Variants in CD96 observed in about 807,000 individuals in gnomAD.
CD96 encodes T-cell surface protein tactile.
CD96 carries 70 observed loss-of-function variants against 71.3 expected under a neutral mutation model. That is an observed-to-expected ratio of 0.98 (90% confidence interval 0.81 to 1.20). The LOEUF (loss-of-function observed/expected upper bound fraction) is 1.20, where lower values mean the gene tolerates loss of function less well. Among genes scored for constraint, CD96 ranks in the 50% most tolerant of loss-of-function variants. The pLI is 0.00. For synonymous variants in CD96, 248 were observed against 233.0 expected (o/e 1.06, Z -0.59); for missense variants, 742 against 677.5 (o/e 1.10, Z -1.06).
At chr3:111,574,723 CCTT>C (rs1415032867) in intron 3 of CD96, among the ~76,000 whole-genome samples, 3 of 151,708 alleles carry the variant, frequency 2.0e-5, no homozygotes, top group East Asian at 3.9e-4. Flanking sequence ...TTGTTCTTCT[CCTT>C]AAGTATATTT....
At chr3:111,620,943 G>A (rs1938493599) in intron 8 of CD96, among the ~76,000 whole-genome samples, 1 of 152,136 alleles carries the variant, frequency 6.6e-6, no homozygotes, top group Admixed American at 6.5e-5. Flanking sequence ...ATTATTTTCT[G>A]ACCTCCAGAA....
At chr3:111,590,313 C>G (rs777314732) in intron 5 of CD96, among the ~76,000 whole-genome samples, 1 of 152,214 alleles carries the variant, frequency 6.6e-6, no homozygotes, top group Non-Finnish European at 1.5e-5. Flanking sequence ...CATCCAGCAA[C>G]CACAGGTTTT....
chr3:111,560,346 C>A (rs956428494), intron 2 of CD96, among the ~76,000 whole-genome samples: 1 of 151,822 alleles, frequency 6.6e-6, no homozygotes, highest in African/African-American at 2.4e-5. Context: ...GCAGCTGGTA[C>A]CAGTTGTTCC....
chr3:111,542,691 C>T (rs1014441461), intron 1 of CD96, among the ~76,000 whole-genome samples: 1 of 152,172 alleles, frequency 6.6e-6, no homozygotes, highest in African/African-American at 2.4e-5. Context: ...GCTCAGAGAT[C>T]CTTGTTTAAC....
intron 5 of CD96, chr3:111,595,168 T>C (rs1937196614): frequency 6.2e-6 from 1 of 160,724 alleles, no homozygotes; most frequent in African/African-American, 2.4e-5. Flanking sequence ...GAAAATCATA[T>C]TACATTTAAA....
chr3:111,629,462 C>T (rs968461690), intron 10 of CD96, among the ~76,000 whole-genome samples: 3 of 152,020 alleles, frequency 2.0e-5, no homozygotes, highest in African/African-American at 7.2e-5. Flanking sequence ...AACAAGAAGA[C>T]CTAATTGTCC....
At position 111,650,092 on chromosome 3, in the gene CD96, A is replaced by T. The variant is rs1940011240; in HGVS notation, c.*286A>T. ...ATTAGTCTGCCATCTTTAAAAAAAA[A>T]TACAGTATTTTCATTTAAATTCTCT... On this transcript the variant is annotated 3_prime_UTR_variant, in exon 14 of 14. Transcript: ENST00000352690. 2 of 406,232 alleles carry T rather than the reference A, an allele frequency of 4.9e-6. No homozygotes were observed. Among genetic ancestry groups the T allele is most frequent in the Non-Finnish European group, 9.3e-6 (2 of 215,078 alleles). The allele number at this position is 406,232 out of a possible 1,614,324, so 25.2% of individuals were successfully genotyped here.
Position 111,649,772 on chromosome 3 carries a change from G to A in CD96, c.1676G>A (p.Ser559Asn). The change falls in exon 14 of 14, where the codon AGT (serine) becomes AAT (asparagine). Residue 559 changes from serine to asparagine, a missense_variant. By Grantham distance (46) the Ser-to-Asn change is conservative. Coordinates refer to ENST00000352690, the MANE Select transcript of CD96 (RefSeq NM_005816.5). The stretch of plus-strand genomic sequence containing the variant: ...ACTTGCATTCAAGAGCCCAACGAAA[G>A]TGATCTGCCTTATCATGAGATGGAG... ...KYTCIQEPNE[S>N]DLPYHEMETL The A allele has an allele frequency of 6.2e-7, 1 of 1,613,480 alleles. No homozygotes were observed. The highest frequency in any genetic ancestry group is 8.5e-7 in the Non-Finnish European group (1 of 1,179,370).
chr3:111,615,134 C>G (rs1471703103), intron 8 of CD96, among the ~76,000 whole-genome samples: 1 of 152,160 alleles, frequency 6.6e-6, no homozygotes, highest in Admixed American at 6.5e-5. Context: ...AATGAAGGTA[C>G]AAGTATTCCA....
intron 5 of CD96, among the ~76,000 whole-genome samples, chr3:111,586,284 G>A (rs115595656): frequency 1.3e-5 from 2 of 152,192 alleles, no homozygotes; most frequent in East Asian, 1.9e-4. Context: ...TACATGGGGC[G>A]AGAGAAAATT....
At chr3:111,641,531 C>G (rs1423059232) in intron 12 of CD96, among the ~76,000 whole-genome samples, 1 of 152,092 alleles carries the variant, frequency 6.6e-6, no homozygotes, top group Non-Finnish European at 1.5e-5. Flanking sequence ...ATGAGATAGA[C>G]AGCAACAAAA....
At chr3:111,663,942 G>A (rs1940418221) in intron 14 of CD96, among the ~76,000 whole-genome samples, 2 of 151,992 alleles carry the variant, frequency 1.3e-5, no homozygotes, top group African/African-American at 2.4e-5. Flanking sequence ...AGTAGAGATG[G>A]GGTTTCACCA....
At chr3:111,587,666 C>G (rs934107081) in intron 5 of CD96, among the ~76,000 whole-genome samples, 2 of 152,238 alleles carry the variant, frequency 1.3e-5, no homozygotes, top group African/African-American at 4.8e-5. Flanking sequence ...CCGCCTGCAG[C>G]AAACTTTTGC....
intron 10 of CD96, 22 bp downstream of exon 10, chr3:111,624,426 C>T (rs1204717913): frequency 4.3e-6 from 6 of 1,382,706 alleles, no homozygotes; most frequent in Admixed American, 1.7e-5. Context: ...TCGTGGGTCC[C>T]TTGAGTCCTC....
intron 2 of CD96, among the ~76,000 whole-genome samples, chr3:111,549,029 G>C (rs1290237453): frequency 6.6e-6 from 1 of 152,194 alleles, no homozygotes; most frequent in Non-Finnish European, 1.5e-5. Context: ...AATTGCAACA[G>C]TGAGAAGTGC....
At position 111,638,215 on chromosome 3, in the gene CD96, A is replaced by G. The variant is rs1482613625; in HGVS notation, c.1477+47A>G. 3 of 1,146,160 alleles carry G rather than the reference A, an allele frequency of 2.6e-6. No individual in the cohort carries two copies. The Admixed American group carries it at 5.0e-5, about 19-fold the overall frequency. 71.0% of individuals were successfully genotyped at this position (1,146,160 alleles called of 1,614,324 possible). Reference sequence around the variant, plus strand: ...GGGGGATTTTATGCTTTATTCACTCAATAAATATTTATCAAGTACCTGCCA... The same window carrying G: ...GGGGGATTTTATGCTTTATTCACTCGATAAATATTTATCAAGTACCTGCCA... On this transcript the variant is annotated intron_variant, in intron 12 of 13. Transcript: ENST00000352690.
At chr3:111,578,890 C>A (rs1238818928) in intron 3 of CD96, 137 bp from the exon 4 acceptor site, 2 of 698,744 alleles carry the variant, frequency 2.9e-6, no homozygotes, top group African/African-American at 1.8e-5. Flanking sequence ...TAGTAATATA[C>A]TAAATGTCTT....
intron 10 of CD96, among the ~76,000 whole-genome samples, chr3:111,629,914 T>C (rs1369111881): frequency 6.6e-6 from 1 of 152,202 alleles, no homozygotes. Flanking sequence ...CCTGAATGAC[T>C]TTCAGGTTAA....
At chr3:111,624,249 A>G in intron 9 of CD96, 84 bp from the exon 10 acceptor site, 2 of 901,532 alleles carry the variant, frequency 2.2e-6, no homozygotes. Flanking sequence ...AAAGTCACAT[A>G]GATTAAAAAT....
Sources: allele counts gnomAD v4.1 joint callset (sites outside exome capture counted in the v4.1 genomes callset), GRCh38; gene constraint gnomAD v4.1.1; transcripts MANE v1.5; gene names NCBI Gene and HGNC (gene_info 2026-07-23, HGNC 2026-07-21).